BIRC6: variants seen among roughly 807,000 people sequenced by gnomAD.
BIRC6 encodes the protein baculoviral IAP repeat containing 6, also known as dual E2 ubiquitin-conjugating enzyme/E3 ubiquitin-protein ligase BIRC6.
In BIRC6, 98 loss-of-function variants were observed where a neutral mutation model predicts 503.3. The ratio of observed to expected loss-of-function variants is 0.19; its 90% CI spans 0.17 to 0.23. The LOEUF (loss-of-function observed/expected upper bound fraction) is 0.23, where lower values mean the gene tolerates loss of function less well. Ranked by LOEUF, BIRC6 falls within the 10% of genes least tolerant of loss-of-function variation. The probability of loss-of-function intolerance (pLI) is 1.00; values close to 1 mark genes in which losing one functional copy is unlikely to be tolerated. For synonymous variants in BIRC6, 2,240 were observed against 2,078.7 expected (o/e 1.08, Z -2.11); for missense variants, 5,360 against 5,806.0 (o/e 0.92, Z 2.50).
At chr2:32,548,129 T>A in intron 64 of BIRC6, 115 bp downstream of exon 64, 1 of 905,348 alleles carries the variant, frequency 1.1e-6, no homozygotes, top group Non-Finnish European at 1.6e-6. Context: ...CCACTTGTGG[T>A]CCTTCTTCCC....
In BIRC6 at chr2:32,414,757, T is replaced by A; in HGVS notation, c.1478-12T>A. The A allele has an allele frequency of 6.3e-7, 1 of 1,597,952 alleles. No homozygotes were observed. Reference sequence around the variant, plus strand: ...TAGAAACATATCTAATGAATATTGTTCCTTTTTAAAGGGCATACATCACAG... The same window carrying A: ...TAGAAACATATCTAATGAATATTGTACCTTTTTAAAGGGCATACATCACAG... On this transcript the variant is annotated splice_polypyrimidine_tract_variant and intron_variant, in intron 9 of 73. Coordinates refer to ENST00000421745, the MANE Select transcript of BIRC6 (RefSeq NM_016252.4).
At chr2:32,513,283 A>G (rs1380413465) in intron 54 of BIRC6, 129 bp downstream of exon 54, 3 of 671,300 alleles carry the variant, frequency 4.5e-6, no homozygotes, top group East Asian at 5.5e-5. Context: ...AATATAATCA[A>G]GTATACTTTT....
rs183751822 is a variant in BIRC6, at chr2:32,422,857, A to G, written c.2873-6289A>G. On this transcript the variant is annotated intron_variant, in intron 10 of 73. Transcript: ENST00000421745. ...CAAATAATTTATGCATTTTCCTGTC[A>G]GTGGACATCTTGTTTATTTCTGTTT... Among the ~76,000 whole-genome samples the G allele has an allele frequency of 1.4e-3, 215 of 152,270 alleles. 2 individuals carry two copies. The highest frequency in any genetic ancestry group is 3.4e-3 in the Middle Eastern group (1 of 294).
At chr2:32,466,872 C>G (rs558936543) in intron 26 of BIRC6, among the ~76,000 whole-genome samples, 21 of 151,956 alleles carry the variant, frequency 1.4e-4, no homozygotes, top group Non-Finnish European at 2.8e-4. Context: ...GTAATCCCAG[C>G]GCTTTGGGAG....
chr2:32,446,520 A>G (rs1352791928), intron 21 of BIRC6, among the ~76,000 whole-genome samples: 1 of 152,112 alleles, frequency 6.6e-6, no homozygotes, highest in Non-Finnish European at 1.5e-5. Flanking sequence ...AAGCCTTTGT[A>G]CTTGAGGCTA....
intron 65 of BIRC6, among the ~76,000 whole-genome samples, chr2:32,573,401 G>T (rs1470155353): frequency 6.6e-6 from 1 of 152,072 alleles, no homozygotes; most frequent in Non-Finnish European, 1.5e-5. Context: ...TCACCATGTT[G>T]GCCAGGCTGG....
rs1271994707 is a variant in BIRC6, at chr2:32,479,454, A to G, written c.7253-8A>G. On this transcript the variant is annotated splice_region_variant and splice_polypyrimidine_tract_variant and intron_variant, in intron 36 of 73. Coordinates refer to ENST00000421745, the MANE Select transcript of BIRC6 (RefSeq NM_016252.4). Reference sequence around the variant, plus strand: ...ATTATTAAAACAGGACTATCCCCTTACATACAGGAGAATTACTGGCTCCAG... The same window carrying G: ...ATTATTAAAACAGGACTATCCCCTTGCATACAGGAGAATTACTGGCTCCAG... 1.9e-6 allele frequency: 3 copies of G among 1,591,432 alleles called. No individual in the cohort carries two copies. The highest frequency in any genetic ancestry group is 1.7e-4 in the Middle Eastern group (1 of 6,030).
intron 10 of BIRC6, among the ~76,000 whole-genome samples, chr2:32,418,455 G>A (rs984662654): frequency 3.3e-5 from 5 of 152,176 alleles, no homozygotes; most frequent in African/African-American, 4.8e-5. Flanking sequence ...AAACCTGGGA[G>A]TCTTCCATCA....
In BIRC6 at chr2:32,369,992, ATGTATGTG is replaced by A. The variant is rs1390915206; in HGVS notation, c.326-7592_326-7585del. ...TATATATATATATATATATGTATGT[ATGTATGTG>A]TGTGTATATATATGCATATATGTAT... On this transcript the variant is annotated intron_variant, in intron 1 of 73. Transcript: ENST00000421745. Among the ~76,000 whole-genome samples the A allele has an allele frequency of 2.6e-3, 307 of 117,076 alleles. 5 individuals are homozygous for A. The highest frequency in any genetic ancestry group is 9.7e-3 in the African/African-American group (296 of 30,404). The allele number at this position is 117,076 out of a possible 152,430, so 76.8% of individuals were successfully genotyped here.
At chr2:32,605,930 C>T (rs1210416609) in intron 71 of BIRC6, among the ~76,000 whole-genome samples, 3 of 152,062 alleles carry the variant, frequency 2.0e-5, no homozygotes, top group African/African-American at 7.2e-5. Flanking sequence ...AAGTTTTTCC[C>T]ATAGTTGAGC....
At position 32,357,505 on chromosome 2, in the gene BIRC6, G is replaced by A; in HGVS notation, c.325+19G>A. ...CTCAGTGGTGAGTCTTCCGCACGCC[G>A]GGCGGGCGCGAAGCCGGGGAAAGAA... On this transcript the variant is annotated intron_variant, in intron 1 of 73. Transcript: ENST00000421745. This position sits in a 1 kb window ranked among gnomAD's most constrained non-coding sequence, Gnocchi z 4.9. The A allele has an allele frequency of 2.6e-6, 4 of 1,536,970 alleles. No homozygotes were observed. In the South Asian group the frequency reaches 3.6e-5, roughly 14 times the overall value.
rs1191692078 is a variant in BIRC6, at chr2:32,478,782, T to C, written c.7216T>C (p.Tyr2406His). Reference protein sequence around the residue: ...DISWGGAWAQYSLTCMLQDIL... With the variant: ...DISWGGAWAQHSLTCMLQDIL... ...ATCTTGGGGTGGTGCTTGGGCTCAG[T>C]ATTCCTTAACTTGCATGCTACAAGA... is the stretch of plus-strand genomic sequence containing the variant. Residue 2406 changes from tyrosine to histidine, a missense_variant, in exon 36 of 74, where the codon TAT (tyrosine) becomes CAT (histidine). Tyr to His is a moderately conservative substitution (Grantham distance 83). Around this residue, in one of 16 missense-constraint regions of BIRC6, gnomAD observed 2,299 missense variants for 2,267.2 expected, o/e 1.01. Coordinates refer to ENST00000421745, the MANE Select transcript of BIRC6 (RefSeq NM_016252.4). 2 of 1,613,518 alleles carry C rather than the reference T, an allele frequency of 1.2e-6. No individual in the cohort carries two copies.
rs142480354 is a variant in BIRC6, at chr2:32,392,329, A to G, written c.951+179A>G. Among the ~76,000 whole-genome samples the G allele has an allele frequency of 3.4e-3, 523 of 152,238 alleles. 2 individuals carry two copies. Among genetic ancestry groups the G allele is most frequent in the African/African-American group, 0.012 (500 of 41,532 alleles). On this transcript the variant is annotated intron_variant, in intron 5 of 73. Transcript: ENST00000421745. ...AGTGCAGCGCCACAATGTTGGCTCA[A>G]CTGCAACCTCCGCCTCTCAGGTTCA... is the stretch of plus-strand genomic sequence containing the variant.
chr2:32,542,829 T>A (rs1404755354), intron 61 of BIRC6, among the ~76,000 whole-genome samples: 1 of 152,170 alleles, frequency 6.6e-6, no homozygotes, highest in Non-Finnish European at 1.5e-5. Context: ...TTTTTTGAGA[T>A]AGTTTTGTTG....
At chr2:32,389,801 A>G (rs1157266440) in intron 4 of BIRC6, among the ~76,000 whole-genome samples, 2 of 151,736 alleles carry the variant, frequency 1.3e-5, no homozygotes, top group African/African-American at 2.4e-5. Flanking sequence ...GATTCAAGAG[A>G]TTCTCCTGCC....
chr2:32,602,039 T>C (rs1041167560), intron 70 of BIRC6, among the ~76,000 whole-genome samples: 3 of 152,202 alleles, frequency 2.0e-5, no homozygotes, highest in African/African-American at 7.2e-5. Flanking sequence ...TTAAAAATAG[T>C]TATTTTAGTA....
chr2:32,438,282 A>G (rs1316007660), intron 15 of BIRC6, among the ~76,000 whole-genome samples: 1 of 152,210 alleles, frequency 6.6e-6, no homozygotes. Context: ...AAATTTTGAA[A>G]CAGAATGTCA....
chr2:32,541,661 A>C (rs2057674344), intron 61 of BIRC6, among the ~76,000 whole-genome samples: 1 of 152,110 alleles, frequency 6.6e-6, no homozygotes, highest in Admixed American at 6.5e-5. Context: ...GTGGAACTTC[A>C]AATTAGTATT....
chr2:32,554,406 G>C (rs1436868814), intron 65 of BIRC6, among the ~76,000 whole-genome samples: 1 of 152,098 alleles, frequency 6.6e-6, no homozygotes, highest in East Asian at 1.9e-4. Context: ...AGTTTAACTG[G>C]TTAGTAACGT....
Sources: gnomAD v4.1 joint callset for allele counts (sites outside exome capture counted in the v4.1 genomes callset) on GRCh38, gnomAD v4.1.1 for gene constraint, gnomAD v4.1.1 regional missense constraint, Gnocchi (gnomAD v3.1) non-coding constraint, MANE v1.5 for transcripts, NCBI Gene and HGNC (gene_info 2026-07-23, HGNC 2026-07-21) for gene names.